Variants in NECTIN1 observed in about 807,000 individuals in gnomAD.
The protein encoded by NECTIN1 is nectin-1.
Under a neutral mutation model 48.0 loss-of-function variants are expected in NECTIN1, and 23 were observed. The observed-to-expected ratio is 0.48, with a 90% CI of 0.34 to 0.68. NECTIN1 has a LOEUF of 0.68. NECTIN1 is among the 30% of genes least tolerant of loss of function. The probability of loss-of-function intolerance (pLI) is 0.01; values close to 1 mark genes in which losing one functional copy is unlikely to be tolerated. For missense variants in NECTIN1, 591 were observed against 709.9 expected, an observed-to-expected ratio of 0.83 and a Z score of 1.90; for synonymous variants, 270 against 288.9, an observed-to-expected ratio of 0.93 and a Z score of 0.66.
At chr11:119,716,264 C>A (rs1865741636) in intron 1 of NECTIN1, among the ~76,000 whole-genome samples, 1 of 152,126 alleles carries the variant, frequency 6.6e-6, no homozygotes, top group Admixed American at 6.5e-5. Context: ...TTCTGGGGCA[C>A]ACACAGCCAG....
chr11:119,661,604 C>G lies in NECTIN1; in HGVS notation c.*3143G>C. On this transcript the variant is annotated 3_prime_UTR_variant, in exon 6 of 6. Coordinates refer to ENST00000264025, the MANE Select transcript of NECTIN1 (RefSeq NM_002855.5). Reference sequence around the variant, plus strand: ...CAGAGCTGCCCACACCCACCTAACACAATTCCCAATTTCTCTGCTCTGAGG... The same window carrying G: ...CAGAGCTGCCCACACCCACCTAACAGAATTCCCAATTTCTCTGCTCTGAGG... 1 of 985,888 alleles carries G rather than the reference C, an allele frequency of 1.0e-6. No individual in the cohort carries two copies. Among genetic ancestry groups the G allele is most frequent in the Non-Finnish European group, 1.2e-6 (1 of 829,940 alleles). 61.1% of individuals were successfully genotyped at this position (985,888 alleles called of 1,614,324 possible). A position where few individuals can be genotyped will look rare whatever the true frequency, so the allele number is the denominator to read the frequency against.
At chr11:119,675,338 G>A (rs930673456) in intron 4 of NECTIN1, 28 bp from the exon 5 acceptor site, 2 of 1,614,004 alleles carry the variant, frequency 1.2e-6, no homozygotes, top group Non-Finnish European at 1.7e-6. Flanking sequence ...CACAGCGTAG[G>A]GTTATGACTC....
At chr11:119,656,741 G>A (rs560227831), downstream of NECTIN1, among the ~76,000 whole-genome samples, 1 of 152,320 alleles carries the variant, frequency 6.6e-6, no homozygotes, top group East Asian at 1.9e-4. Context: ...GACTCAAAGA[G>A]CACAGGCCCT....
In NECTIN1 at chr11:119,728,731, G is replaced by C; in HGVS notation, c.-178C>G. ...GGTGGGATCCGCGCGGCCGCAGTCCGGGCCCCGGGCCGCCGCCGGCTCAGA... is the reference window on the plus strand; with the variant it reads ...GGTGGGATCCGCGCGGCCGCAGTCCCGGCCCCGGGCCGCCGCCGGCTCAGA... On this transcript the variant is annotated 5_prime_UTR_variant, in exon 1 of 6. Transcript: ENST00000264025. The C allele has an allele frequency of 2.2e-6, 1 of 459,624 alleles. No individual in the cohort carries two copies. Among genetic ancestry groups the C allele is most frequent in the South Asian group, 4.0e-5 (1 of 25,122 alleles). 28.5% of individuals were successfully genotyped at this position (459,624 alleles called of 1,614,324 possible).
chr11:119,655,316 A>G (rs1864554770), intron 5 of NECTIN1, among the ~76,000 whole-genome samples: 1 of 152,100 alleles, frequency 6.6e-6, no homozygotes, highest in South Asian at 2.1e-4. Context: ...CCACATAGGT[A>G]TGGCCTCTCC....
chr11:119,645,247 G>A (rs1410307603), intron 5 of NECTIN1, among the ~76,000 whole-genome samples: 2 of 152,152 alleles, frequency 1.3e-5, no homozygotes, highest in Non-Finnish European at 2.9e-5. Flanking sequence ...CATGTCTCCA[G>A]CCCACGTGTG....
At chr11:119,720,531 C>A in intron 1 of NECTIN1, among the ~76,000 whole-genome samples, 1 of 152,384 alleles carries the variant, frequency 6.6e-6, no homozygotes, top group African/African-American at 2.4e-5. Flanking sequence ...GGGAGCACCC[C>A]GCGTGAGCCT....
At chr11:119,654,654 C>T (rs138216955) in intron 5 of NECTIN1, among the ~76,000 whole-genome samples, 1,833 of 152,010 alleles carry the variant, frequency 0.012, 19 homozygotes, top group Non-Finnish European at 0.016. Flanking sequence ...TCGCTGCAAC[C>T]TCCGCCTCCC....
At position 119,728,618 on chromosome 11, in the gene NECTIN1, C is replaced by T. The variant is rs1398767588; in HGVS notation, c.-65G>A. The T allele has an allele frequency of 3.6e-6, 4 of 1,108,754 alleles. No individual in the cohort carries two copies. In the African/African-American group the frequency reaches 4.8e-5, roughly 13 times the overall value. 68.7% of individuals were successfully genotyped at this position (1,108,754 alleles called of 1,614,324 possible). A position where few individuals can be genotyped will look rare whatever the true frequency, so the allele number is the denominator to read the frequency against. On this transcript the variant is annotated 5_prime_UTR_variant, in exon 1 of 6. Transcript: ENST00000264025. ...CGCTCCTCGCGCAGCAGAAACCAGC[C>T]CGGAAGATGAGGGAAGATCGCTGGC...
chr11:119,663,554 C>T lies in NECTIN1; in HGVS notation c.*1193G>A. Reference sequence around the variant, plus strand: ...CTTTGTGTGTGAGGCATTGTATGGACTCCTCAGTCCCTCGGACTGTGTTTG... The same window carrying T: ...CTTTGTGTGTGAGGCATTGTATGGATTCCTCAGTCCCTCGGACTGTGTTTG... On this transcript the variant is annotated 3_prime_UTR_variant, in exon 6 of 6. Transcript: ENST00000264025. The T allele has an allele frequency of 2.0e-6, 2 of 985,534 alleles. No homozygotes were observed. Among genetic ancestry groups the T allele is most frequent in the Non-Finnish European group, 2.4e-6 (2 of 829,960 alleles). The allele number at this position is 985,534 out of a possible 1,614,324, so 61.0% of individuals were successfully genotyped here.
Position 119,684,075 on chromosome 11 carries a change from C to T in NECTIN1, c.80-5310G>A, listed in dbSNP as rs187393129. On this transcript the variant is annotated intron_variant, in intron 1 of 5. Coordinates refer to ENST00000264025, the MANE Select transcript of NECTIN1 (RefSeq NM_002855.5). The surrounding 1 kb of genome is among the most constrained non-coding windows in gnomAD (Gnocchi z 5.2). ...CGCAAGCCAGTGCCACAGGTTCCCA[C>T]GCAGCGGGGTGTGGCACACTTCGCT... is the stretch of plus-strand genomic sequence containing the variant. Among the ~76,000 whole-genome samples the T allele has an allele frequency of 2.1e-3, 322 of 152,370 alleles. 1 individual carries two copies. Among genetic ancestry groups the T allele is most frequent in the Non-Finnish European group, 3.8e-3 (260 of 68,034 alleles).
In NECTIN1 at chr11:119,648,559, G is replaced by A. The variant is rs373822976; in HGVS notation, c.1004-8547C>T. Among the ~76,000 whole-genome samples, 20 of 150,900 alleles carry A rather than the reference G, an allele frequency of 1.3e-4. 1 individual carries two copies. The East Asian group carries it at 3.0e-3, about 22-fold the overall frequency. On this transcript the variant is annotated intron_variant, in intron 5 of 7. Coordinates refer to the NECTIN1 transcript ENST00000341398. ...GTCCAGCACCCAGCAGGACAGCTGG[G>A]CAGAGCAACGGGCCTGAGACTGTTT... is the stretch of plus-strand genomic sequence containing the variant.
intron 5 of NECTIN1, chr11:119,674,330 CCT>C: frequency 2.2e-6 from 3 of 1,373,202 alleles, no homozygotes; most frequent in Non-Finnish European, 1.9e-6. Flanking sequence ...GCAGTTTACC[CCT>C]GTGTGGACTT....
intron 1 of NECTIN1, among the ~76,000 whole-genome samples, chr11:119,710,284 G>T (rs1251145057): frequency 6.6e-6 from 1 of 152,254 alleles, no homozygotes; most frequent in Non-Finnish European, 1.5e-5. Flanking sequence ...AGGTCAGGCA[G>T]AGTCATTGCA....
At chr11:119,642,360 G>A (rs1208037691) in intron 5 of NECTIN1, 1 of 152,268 alleles carries the variant, frequency 6.6e-6, no homozygotes, top group Non-Finnish European at 1.5e-5. Flanking sequence ...GTGGGAGGGG[G>A]AGCAGTAGGG....
intron 6 of NECTIN1, chr11:119,639,669 G>C (rs915565723): frequency 1.5e-6 from 1 of 663,862 alleles, no homozygotes; most frequent in African/African-American, 1.8e-5. Flanking sequence ...AACTGGGGCG[G>C]TGCCTGGCAC....
At chr11:119,718,345 C>T (rs1258753255) in intron 1 of NECTIN1, among the ~76,000 whole-genome samples, 1 of 152,224 alleles carries the variant, frequency 6.6e-6, no homozygotes, top group Non-Finnish European at 1.5e-5. Flanking sequence ...CCTCTCTCCC[C>T]AGCTTGCTGT....
chr11:119,657,470 C>T (rs2135536603), downstream of NECTIN1, among the ~76,000 whole-genome samples: 1 of 152,080 alleles, frequency 6.6e-6, no homozygotes, highest in South Asian at 2.1e-4. Context: ...AAAAAATTAG[C>T]TGGGCGTGGT....
intron 1 of NECTIN1, among the ~76,000 whole-genome samples, chr11:119,682,830 GCACCTACT>G (rs771513396): frequency 6.6e-6 from 1 of 152,132 alleles, no homozygotes. Flanking sequence ...TATTTGCTGA[GCACCTACT>G]CCATACTGGA....
Sources: gnomAD v4.1 joint callset for allele counts (sites outside exome capture counted in the v4.1 genomes callset) on GRCh38, gnomAD v4.1.1 for gene constraint, Gnocchi (gnomAD v3.1) non-coding constraint, MANE v1.5 for transcripts, NCBI Gene and HGNC (gene_info 2026-07-23, HGNC 2026-07-21) for gene names.